TRAF3IP1: variants seen among roughly 807,000 people sequenced by gnomAD.
The protein encoded by TRAF3IP1 is intraflagellar transport 54.
A neutral mutation model predicts 89.9 loss-of-function variants in TRAF3IP1; 53 were observed. That is an observed-to-expected ratio of 0.59 (90% CI 0.47 to 0.74). TRAF3IP1 has a LOEUF of 0.74. Among genes scored for constraint, TRAF3IP1 ranks in the 30% least tolerant of loss-of-function variants. TRAF3IP1 has a pLI of 0.00. For synonymous variants in TRAF3IP1, 311 were observed against 322.1 expected (o/e 0.97, Z 0.37); for missense variants, 806 against 866.1 (o/e 0.93, Z 0.87).
At position 238,356,054 on chromosome 2, in the gene TRAF3IP1, C is replaced by G. The variant is rs1699389161; in HGVS notation, c.1663C>G (p.Gln555Glu). Residue 555 changes from glutamine (Q) to glutamate (E), a missense_variant, in exon 15 of 17, where the codon CAG (glutamine) becomes GAG (glutamate). Transcript: ENST00000373327. Reference protein sequence around the residue: ...LETKKDYEKLQQSPKPGEKER... With the variant: ...LETKKDYEKLEQSPKPGEKER... ...GACGAAGAAAGATTATGAGAAATTG[C>G]AGCAGTCACCCAAACCTGGGGAGAA... The G allele has an allele frequency of 2.5e-6, 4 of 1,613,658 alleles. No homozygotes were observed. In the East Asian group the frequency reaches 8.9e-5, roughly 36 times the overall value.
chr2:238,394,375 G>T lies in TRAF3IP1; in HGVS notation c.1690-3084G>T, dbSNP rs76963480. ...CATTAAACATGCGTATCGGTTTGGG[G>T]AAAATTCATGTCTTTACTGTGTCCT... On this transcript the variant is annotated intron_variant, in intron 15 of 16. Transcript: ENST00000373327. Among the ~76,000 whole-genome samples the T allele has an allele frequency of 7.0e-3, 1,063 of 152,300 alleles. 11 individuals are homozygous for T. Among genetic ancestry groups the T allele is most frequent in the African/African-American group, 0.024 (979 of 41,552 alleles).
chr2:238,375,767 C>T lies in TRAF3IP1; in HGVS notation c.1689+19687C>T, dbSNP rs139391658. On this transcript the variant is annotated intron_variant, in intron 15 of 16. Transcript: ENST00000373327. ...TTTCTCTTATGGTTAATGCTTTTGG[C>T]GAGTCGGTTAAGAAATCCTTCTGTA... Among the ~76,000 whole-genome samples, 143 of 152,174 alleles carry T rather than the reference C, an allele frequency of 9.4e-4. 2 individuals are homozygous for T. The East Asian group carries it at 0.024, about 25-fold the overall frequency.
chr2:238,331,751 G>T (rs1045468880), intron 5 of TRAF3IP1, among the ~76,000 whole-genome samples: 3 of 152,150 alleles, frequency 2.0e-5, no homozygotes, highest in East Asian at 1.9e-4. Flanking sequence ...GGTAAAAAGC[G>T]CCAGGCAGGT....
intron 8 of TRAF3IP1, among the ~76,000 whole-genome samples, chr2:238,339,251 T>C (rs1698524862): frequency 6.6e-6 from 1 of 152,196 alleles, no homozygotes. Context: ...GATCTGTGGT[T>C]ATTTTATTCC....
Position 238,350,681 on chromosome 2 carries a change from G to A in TRAF3IP1, c.1451+1273G>A, listed in dbSNP as rs547316725. ...GCACAGGACAGTCTCCACCACAAAG[G>A]AGGATGGGCTGCCTGCCCATAGTGC... On this transcript the variant is annotated intron_variant, in intron 12 of 16. Transcript: ENST00000373327. Among the ~76,000 whole-genome samples the A allele has an allele frequency of 1.1e-4, 16 of 152,298 alleles. No homozygotes were observed. The East Asian group carries it at 3.1e-3, about 29-fold the overall frequency.
intron 15 of TRAF3IP1, among the ~76,000 whole-genome samples, chr2:238,388,593 C>CTTTTTTTT (rs752954955): frequency 9.6e-6 from 1 of 104,198 alleles, no homozygotes; most frequent in Non-Finnish European, 1.9e-5. Context: ...AAGAACACAA[C>CTTTTTTTT]TTTTTTTTTT....
At position 238,384,213 on chromosome 2, in the gene TRAF3IP1, C is replaced by T. The variant is rs184703084; in HGVS notation, c.1690-13246C>T. On this transcript the variant is annotated intron_variant, in intron 15 of 16. Coordinates refer to ENST00000373327, the MANE Select transcript of TRAF3IP1 (RefSeq NM_015650.4). ...CTGGCCTCCTGAGTGTCCCTTGTCT[C>T]GGGGCTCTCACTTGTATGCTGCCTC... Among the ~76,000 whole-genome samples the T allele has an allele frequency of 2.0e-5, 3 of 152,188 alleles. No homozygotes were observed. In the East Asian group the frequency reaches 5.8e-4, roughly 29 times the overall value.
intron 5 of TRAF3IP1, among the ~76,000 whole-genome samples, chr2:238,329,907 G>A (rs1698037221): frequency 6.6e-6 from 1 of 152,170 alleles, no homozygotes; most frequent in Non-Finnish European, 1.5e-5. Context: ...GGGGATGTCA[G>A]GAAAATATTA....
At chr2:238,355,156 C>T (rs1282764155) in intron 14 of TRAF3IP1, among the ~76,000 whole-genome samples, 1 of 152,156 alleles carries the variant, frequency 6.6e-6, no homozygotes, top group Non-Finnish European at 1.5e-5. Flanking sequence ...AGATAATTCG[C>T]ATGATTTTAA....
intron 15 of TRAF3IP1, among the ~76,000 whole-genome samples, chr2:238,394,264 C>T (rs1184175121): frequency 6.6e-6 from 1 of 152,144 alleles, no homozygotes; most frequent in Non-Finnish European, 1.5e-5. Context: ...AATGTTTTAG[C>T]TATTGTAGTT....
At chr2:238,362,117 C>T (rs1176826587) in intron 15 of TRAF3IP1, among the ~76,000 whole-genome samples, 1 of 152,164 alleles carries the variant, frequency 6.6e-6, no homozygotes, top group Admixed American at 6.5e-5. Context: ...GCATGGCCTC[C>T]AGCACAGCAC....
chr2:238,324,882 G>A (rs1697742313), intron 1 of TRAF3IP1, among the ~76,000 whole-genome samples: 1 of 152,170 alleles, frequency 6.6e-6, no homozygotes. Context: ...GATTACAGGT[G>A]TGAGCCACCA....
chr2:238,353,169 T>G lies in TRAF3IP1; in HGVS notation c.1576-4T>G. The G allele has an allele frequency of 6.2e-7, 1 of 1,614,186 alleles. No homozygotes were observed. The highest frequency in any genetic ancestry group is 8.5e-7 in the Non-Finnish European group (1 of 1,180,028). ...TTCTTTTTCCCCCTTCCTTTCCTGC[T>G]CAGGTAACAGCAGTGGAACTAGAAG... On this transcript the variant is annotated splice_region_variant and splice_polypyrimidine_tract_variant and intron_variant, in intron 13 of 16. Coordinates refer to ENST00000373327, the MANE Select transcript of TRAF3IP1 (RefSeq NM_015650.4).
chr2:238,335,552 C>T (rs908696553), intron 7 of TRAF3IP1, among the ~76,000 whole-genome samples: 3 of 151,994 alleles, frequency 2.0e-5, no homozygotes, highest in Non-Finnish European at 4.4e-5. Context: ...ATTTTAAAAA[C>T]TCTTCATGAC....
At chr2:238,372,758 A>G (rs1700161702) in intron 15 of TRAF3IP1, among the ~76,000 whole-genome samples, 2 of 152,240 alleles carry the variant, frequency 1.3e-5, no homozygotes, top group Admixed American at 6.5e-5. Flanking sequence ...ACAGTGTAAA[A>G]GCATTCCTAT....
intron 15 of TRAF3IP1, among the ~76,000 whole-genome samples, chr2:238,391,514 CAG>C (rs1287472626): frequency 6.6e-6 from 1 of 152,188 alleles, no homozygotes; most frequent in East Asian, 1.9e-4. Context: ...TGAAAATTGC[CAG>C]AGTGTTGGTG....
In TRAF3IP1 at chr2:238,376,174, G is replaced by T. The variant is rs887295163; in HGVS notation, c.1689+20094G>T. 2.0e-5 allele frequency among the ~76,000 whole-genome samples: 3 copies of T among 152,184 alleles called. No individual in the cohort carries two copies. The South Asian group carries it at 6.2e-4, about 31-fold the overall frequency. ...ATATATAAATGCATGAGCGTGGCTG[G>T]TTTCCAATAGGGCTTTATTTATTTA... On this transcript the variant is annotated intron_variant, in intron 15 of 16. Transcript: ENST00000373327.
Position 238,351,920 on chromosome 2 carries a change from TG to T in TRAF3IP1, c.1452-906del, listed in dbSNP as rs986750436. ...TTGTGTGTATGCGTGTGTGTGTGTG[TG>T]TGTGTGTATGCATGTGCACGCATGC... On this transcript the variant is annotated intron_variant, in intron 12 of 16. Coordinates refer to ENST00000373327, the MANE Select transcript of TRAF3IP1 (RefSeq NM_015650.4). This position sits in a 1 kb window ranked among gnomAD's most constrained non-coding sequence, Gnocchi z 5.2. 6.6e-6 allele frequency among the ~76,000 whole-genome samples: 1 copy of T among 151,876 alleles called. No individual in the cohort carries two copies. The highest frequency in any genetic ancestry group is 1.5e-5 in the Non-Finnish European group (1 of 67,954).
intron 8 of TRAF3IP1, among the ~76,000 whole-genome samples, chr2:238,342,958 A>C (rs1019274553): frequency 5.9e-5 from 9 of 152,212 alleles, no homozygotes; most frequent in African/African-American, 2.2e-4. Flanking sequence ...CAGGAAAGGG[A>C]ACATTTTACA....
Sources: gnomAD v4.1 joint callset for allele counts (sites outside exome capture counted in the v4.1 genomes callset) on GRCh38, gnomAD v4.1.1 for gene constraint, Gnocchi (gnomAD v3.1) non-coding constraint, MANE v1.5 for transcripts, NCBI Gene and HGNC (gene_info 2026-07-23, HGNC 2026-07-21) for gene names.